The following ADGRG1 variants were observed in gnomAD, a reference collection of about 807,000 sequenced individuals.
ADGRG1 encodes the protein adhesion G protein-coupled receptor G1.
In ADGRG1, 53 loss-of-function variants were observed where a neutral mutation model predicts 73.5. That is an observed-to-expected ratio of 0.72 (90% CI 0.58 to 0.91). The LOEUF is 0.91. ADGRG1 is among the 40% of genes least tolerant of loss of function. ADGRG1 has a pLI of 0.00. For missense variants in ADGRG1, 795 were observed against 871.8 expected (o/e 0.91, Z 1.11); for synonymous variants, 394 against 374.4 (o/e 1.05, Z -0.60).
intron 1 of ADGRG1, chr16:57,631,989 A>T (rs987199075): frequency 8.1e-6 from 8 of 985,440 alleles, no homozygotes; most frequent in Non-Finnish European, 9.6e-6. Context: ...CTAAGCCCCA[A>T]ACTCTCCCTG....
At chr16:57,626,658 G>C (rs1224675381), upstream of ADGRG1, 49 of 985,368 alleles carry the variant, frequency 5.0e-5, no homozygotes, top group Non-Finnish European at 5.7e-5. Context: ...TCTGCAGAGA[G>C]AGTGGTGCCT....
rs887638197 is a variant in ADGRG1, at chr16:57,655,471, A to G, written c.841A>G (p.Ser281Gly). ...ACTCTTCCAGAGGACGAAAGGCCGG[A>G]GCGGGGAGGCTGAGAAGAGACTCCT... ...RTLFQRTKGR[S>G]GEAEKRLLLV... is the part of the protein sequence containing the mutation. Residue 281 changes from serine to glycine, a missense_variant, in exon 6 of 14, where the codon AGC (serine) becomes GGC (glycine). Coordinates refer to ENST00000562631, the MANE Select transcript of ADGRG1 (RefSeq NM_201525.4). 1.9e-6 allele frequency: 3 copies of G among 1,613,764 alleles called. No homozygotes were observed. In the South Asian group the frequency reaches 3.3e-5, roughly 18 times the overall value.
At chr16:57,633,590 G>A in intron 1 of ADGRG1, 1 of 836,056 alleles carries the variant, frequency 1.2e-6, no homozygotes, top group Non-Finnish European at 1.4e-6. Flanking sequence ...AGCTCTACTG[G>A]CTGTGTGGCC....
intron 12 of ADGRG1, 171 bp from the exon 13 acceptor site, chr16:57,661,526 A>G: frequency 1.4e-5 from 14 of 984,166 alleles, no homozygotes; most frequent in Non-Finnish European, 1.6e-5. Context: ...CCTTTAAACA[A>G]TCTGACTTGT....
At chr16:57,648,267 C>T (rs533960539) in intron 1 of ADGRG1, 3 of 156,984 alleles carry the variant, frequency 1.9e-5, no homozygotes, top group African/African-American at 7.2e-5. Context: ...ATGTCCCTGT[C>T]CCCGGATGTT....
In ADGRG1 at chr16:57,659,498, G is replaced by A. The variant is rs186550684; in HGVS notation, c.1372G>A (p.Glu458Lys). Residue 458 changes from glutamate (E) to lysine (K), a missense_variant, in exon 11 of 14, where the codon GAG becomes AAG. Coordinates refer to ENST00000562631, the MANE Select transcript of ADGRG1 (RefSeq NM_201525.4). ...GCTGGACACGAGCTTCCTGCTCAGCGAGCCGGTGGCCCTGACAGGCTCTGA... is the reference window on the plus strand; with the variant it reads ...GCTGGACACGAGCTTCCTGCTCAGCAAGCCGGTGGCCCTGACAGGCTCTGA... ...FLLDTSFLLSEPVALTGSEAG... is the reference protein window; with the variant it reads ...FLLDTSFLLSKPVALTGSEAG... The A allele has an allele frequency of 1.1e-5, 18 of 1,613,908 alleles. No homozygotes were observed. The highest frequency in any genetic ancestry group is 6.6e-5 in the South Asian group (6 of 91,084).
rs566323247 is a variant in ADGRG1, at chr16:57,662,505, G to A, written c.1933+540G>A. ...GAAACGCAGCCTCTGGGCCACCCGG[G>A]CCCTGCCACATCAGAATCTGCATTT... On this transcript the variant is annotated intron_variant, in intron 13 of 13. Transcript: ENST00000562631. Among the ~76,000 whole-genome samples, 12 of 152,304 alleles carry A rather than the reference G, an allele frequency of 7.9e-5. No homozygotes were observed. The East Asian group carries it at 2.3e-3, about 29-fold the overall frequency.
chr16:57,650,188 TCTG>T, intron 1 of ADGRG1, 62 bp from the exon 2 acceptor site: 1 of 1,570,674 alleles, frequency 6.4e-7, no homozygotes, highest in Non-Finnish European at 8.7e-7. Context: ...GGCCTCCTCT[TCTG>T]CAGGGCCAGC....
intron 2 of ADGRG1, chr16:57,621,499 G>C (rs1331137546): frequency 6.6e-6 from 1 of 152,068 alleles, no homozygotes; most frequent in East Asian, 1.9e-4. Flanking sequence ...GTGTGTATGG[G>C]TGTAGGGAGT....
intron 2 of ADGRG1, 101 bp downstream of exon 2, chr16:57,650,452 T>C: frequency 6.2e-7 from 1 of 1,602,508 alleles, no homozygotes. Flanking sequence ...TTTAGGCAGT[T>C]ACAGCTCGGC....
At chr16:57,641,262 C>A in intron 1 of ADGRG1, 12 of 982,900 alleles carry the variant, frequency 1.2e-5, no homozygotes, top group Non-Finnish European at 1.4e-5. Context: ...CCCCTAACTC[C>A]TGCCACCCCT....
Position 57,659,478 on chromosome 16 carries a change from A to G in ADGRG1, c.1352A>G (p.Asp451Gly), listed in dbSNP as rs142684762. The change falls in exon 11 of 14, where the codon GAC (aspartate) becomes GGC (glycine). Residue 451 changes from aspartate (D) to glycine (G), a missense_variant. Asp to Gly is a moderately conservative substitution (Grantham distance 94). Coordinates refer to ENST00000562631, the MANE Select transcript of ADGRG1 (RefSeq NM_201525.4). ...CTGCTGCTGGCCGTCTTCCTGCTGG[A>G]CACGAGCTTCCTGCTCAGCGAGCCG... ...MNLLLAVFLL[D>G]TSFLLSEPVA... The G allele has an allele frequency of 1.2e-6, 2 of 1,613,814 alleles. No homozygotes were observed. The highest frequency in any genetic ancestry group is 2.7e-5 in the African/African-American group (2 of 75,040).
chr16:57,633,077 C>T lies in ADGRG1; in HGVS notation c.-36+4275C>T, dbSNP rs927211224. Reference sequence around the variant, plus strand: ...CTCAAGGCCCATGGGGGAAAGCTGACTTTTGAGAGGAGCTGTGGAGACTTG... The same window carrying T: ...CTCAAGGCCCATGGGGGAAAGCTGATTTTTGAGAGGAGCTGTGGAGACTTG... On this transcript the variant is annotated intron_variant, in intron 1 of 13. Transcript: ENST00000562631. 1.1e-5 allele frequency: 6 copies of T among 537,804 alleles called. 1 individual carries two copies. The highest frequency in any genetic ancestry group is 1.2e-5 in the Non-Finnish European group (5 of 421,300). The allele number at this position is 537,804 out of a possible 1,614,324, so 33.3% of individuals were successfully genotyped here.
At chr16:57,663,275 A>T (rs1336617464) in intron 13 of ADGRG1, 177 bp from the exon 14 acceptor site, 2 of 968,794 alleles carry the variant, frequency 2.1e-6, no homozygotes, top group African/African-American at 3.5e-5. Flanking sequence ...ACGGGGACGC[A>T]GCACAGTGCC....
chr16:57,635,175 C>CT (rs1363782049), intron 1 of ADGRG1: 17 of 985,262 alleles, frequency 1.7e-5, no homozygotes, highest in Non-Finnish European at 2.0e-5. Context: ...AGGGGCATTC[C>CT]TGACCCCATG....
chr16:57,655,221 T>G (rs1174378917), intron 5 of ADGRG1, 178 bp from the exon 6 acceptor site: 20 of 985,220 alleles, frequency 2.0e-5, no homozygotes, highest in Non-Finnish European at 2.4e-5. Context: ...CAGCCAGAGC[T>G]GGTAGCAGGG....
rs2039596519 is a variant in ADGRG1 at position 57,637,272 on chromosome 16, G to T, written c.-36+8470G>T. 3.1e-6 allele frequency: 3 copies of T among 979,694 alleles called. No individual in the cohort carries two copies. The Admixed American group carries it at 1.8e-4, about 60-fold the overall frequency. 60.7% of individuals were successfully genotyped at this position (979,694 alleles called of 1,614,324 possible). On this transcript the variant is annotated intron_variant, in intron 1 of 13. Coordinates refer to ENST00000562631, the MANE Select transcript of ADGRG1 (RefSeq NM_201525.4). ...GACCCTGGTCGGGAATGTTGTAGGT[G>T]TGAAGTAAGACAGTGCTTTGGCTTT... is the stretch of plus-strand genomic sequence containing the variant.
At chr16:57,628,947 AGTGTGAGAGT>A in intron 1 of ADGRG1, 145 bp downstream of exon 1, 1 of 644,264 alleles carries the variant, frequency 1.6e-6, no homozygotes, top group Non-Finnish European at 1.8e-6. Context: ...TGAGCGTGAG[AGTGTGAGAGT>A]GTGTGAGTGT....
At chr16:57,640,508 G>A (rs150915332) in intron 1 of ADGRG1, among the ~76,000 whole-genome samples, 2 of 152,324 alleles carry the variant, frequency 1.3e-5, no homozygotes, top group African/African-American at 2.4e-5. Context: ...TTGCATTTTC[G>A]AAGAGCTTAA....
Sources: gnomAD v4.1 joint callset for allele counts (sites outside exome capture counted in the v4.1 genomes callset) on GRCh38, gnomAD v4.1.1 for gene constraint, MANE v1.5 for transcripts, NCBI Gene and HGNC (gene_info 2026-07-23, HGNC 2026-07-21) for gene names.